The following CDH13 variants were observed in gnomAD, a reference collection of about 807,000 sequenced individuals.
The protein encoded by CDH13 is cadherin-13.
A neutral mutation model predicts 63.8 loss-of-function variants in CDH13; 24 were observed. The observed-to-expected ratio is 0.38, with a 90% CI of 0.27 to 0.53. The LOEUF is 0.53. Ranked by LOEUF, CDH13 falls within the 20% of genes least tolerant of loss-of-function variation. The pLI is 0.85. For synonymous variants in CDH13, 503 were observed against 355.3 expected (o/e 1.42, Z -4.67); for missense variants, 1,049 against 903.1 (o/e 1.16, Z -2.07).
chr16:83,228,946 A>C (rs550680215), intron 5 of CDH13, among the ~76,000 whole-genome samples: 1 of 152,280 alleles, frequency 6.6e-6, no homozygotes, highest in African/African-American at 2.4e-5. Flanking sequence ...CATCAGATAG[A>C]TGCAGTTTTC....
chr16:83,787,157 C>A (rs575417954), intron 13 of CDH13, among the ~76,000 whole-genome samples: 21 of 152,126 alleles, frequency 1.4e-4, no homozygotes, highest in Non-Finnish European at 2.8e-4. Flanking sequence ...TTGGGCATAC[C>A]ATTCTGCGAC....
At chr16:83,567,700 AT>A (rs1904296002) in intron 7 of CDH13, among the ~76,000 whole-genome samples, 1 of 152,136 alleles carries the variant, frequency 6.6e-6, no homozygotes, top group South Asian at 2.1e-4. Flanking sequence ...GGTTCACGCT[AT>A]TCTCCTGTCT....
intron 6 of CDH13, among the ~76,000 whole-genome samples, chr16:83,480,955 C>T (rs537040348): frequency 1.1e-4 from 17 of 152,322 alleles, no homozygotes; most frequent in African/African-American, 4.1e-4. Context: ...ACACAAGTAA[C>T]GTTGTGCACT....
At chr16:83,305,851 C>G (rs773110671) in intron 5 of CDH13, among the ~76,000 whole-genome samples, 1 of 152,138 alleles carries the variant, frequency 6.6e-6, no homozygotes, top group Non-Finnish European at 1.5e-5. Context: ...TTGTAGCTGT[C>G]GCAATTATTG....
chr16:83,143,063 C>T (rs1229533488), intron 4 of CDH13, among the ~76,000 whole-genome samples: 4 of 152,164 alleles, frequency 2.6e-5, no homozygotes, highest in Middle Eastern at 6.3e-3. Context: ...AAGATCGTGC[C>T]GTTGCGCTCC....
chr16:82,868,122 G>C (rs978147001), intron 2 of CDH13, among the ~76,000 whole-genome samples: 2 of 152,198 alleles, frequency 1.3e-5, no homozygotes, highest in Admixed American at 6.5e-5. Flanking sequence ...GGACAGAGCT[G>C]GACAAGGTTG....
intron 1 of CDH13, among the ~76,000 whole-genome samples, chr16:82,779,678 C>G (rs571417947): frequency 1.8e-3 from 272 of 152,300 alleles, no homozygotes; most frequent in Middle Eastern, 3.4e-3. Flanking sequence ...TATCTGGGCA[C>G]TCTATTCCAC....
chr16:83,673,406 A>G (rs1404647431), intron 9 of CDH13, among the ~76,000 whole-genome samples: 1 of 151,914 alleles, frequency 6.6e-6, no homozygotes, highest in Non-Finnish European at 1.5e-5. Flanking sequence ...CAGACCTATA[A>G]CACTTGGGGG....
intron 13 of CDH13, among the ~76,000 whole-genome samples, chr16:83,793,966 C>T (rs1403941827): frequency 2.6e-5 from 4 of 152,050 alleles, no homozygotes; most frequent in East Asian, 1.9e-4. Context: ...CATGTGATGA[C>T]AGAAACAGAG....
At chr16:83,757,703 C>T (rs185397939) in intron 11 of CDH13, among the ~76,000 whole-genome samples, 1 of 152,058 alleles carries the variant, frequency 6.6e-6, no homozygotes, top group East Asian at 1.9e-4. Flanking sequence ...ATTACCAACA[C>T]TGGGAATAAA....
intron 5 of CDH13, among the ~76,000 whole-genome samples, chr16:83,222,199 A>G (rs1380152187): frequency 6.6e-6 from 1 of 152,224 alleles, no homozygotes; most frequent in South Asian, 2.1e-4. Context: ...GTATTTGCTC[A>G]CATTTCATAC....
At chr16:82,846,174 C>G (rs928267828) in intron 1 of CDH13, among the ~76,000 whole-genome samples, 7 of 152,178 alleles carry the variant, frequency 4.6e-5, no homozygotes, top group Non-Finnish European at 7.3e-5. Flanking sequence ...TGCGTGGAGC[C>G]TTTGTTCTTA....
At chr16:83,659,140 C>T (rs1354805698) in intron 8 of CDH13, among the ~76,000 whole-genome samples, 1 of 149,888 alleles carries the variant, frequency 6.7e-6, no homozygotes, top group Non-Finnish European at 1.5e-5. Flanking sequence ...ATGTCCTCAC[C>T]AGCAAGGTCC....
At chr16:83,344,808 A>G in intron 5 of CDH13, 54 bp from the exon 6 acceptor site, 36 of 1,592,038 alleles carry the variant, frequency 2.3e-5, no homozygotes, top group Non-Finnish European at 2.9e-5. Flanking sequence ...CCTTATTTGA[A>G]TTTTCATAAT....
chr16:83,050,698 C>T (rs190057559), intron 3 of CDH13, among the ~76,000 whole-genome samples: 25 of 152,152 alleles, frequency 1.6e-4, no homozygotes, highest in Admixed American at 3.3e-4. Flanking sequence ...GTGTCTACAG[C>T]GCATCTCCAC....
At chr16:82,996,302 C>T (rs1912197108) in intron 2 of CDH13, among the ~76,000 whole-genome samples, 1 of 152,128 alleles carries the variant, frequency 6.6e-6, no homozygotes, top group South Asian at 2.1e-4. Context: ...CTCCCAGTGG[C>T]CTCTACCCCA....
intron 10 of CDH13, chr16:83,721,472 C>CT (rs1391318536): frequency 6.6e-6 from 1 of 152,216 alleles, no homozygotes; most frequent in Non-Finnish European, 1.5e-5. Flanking sequence ...GCCATTGGGT[C>CT]TGAGACCCCA....
At chr16:83,540,855 C>A (rs1252009006) in intron 7 of CDH13, among the ~76,000 whole-genome samples, 1 of 152,162 alleles carries the variant, frequency 6.6e-6, no homozygotes, top group Non-Finnish European at 1.5e-5. Flanking sequence ...GTCTTGATCT[C>A]CCAACCTCAA....
At chr16:83,291,102 G>A (rs1383577680) in intron 5 of CDH13, among the ~76,000 whole-genome samples, 2 of 152,078 alleles carry the variant, frequency 1.3e-5, no homozygotes, top group East Asian at 1.9e-4. Flanking sequence ...TGTTCAAAGC[G>A]GCAAGCTACC....
Sources: allele counts gnomAD v4.1 joint callset (sites outside exome capture counted in the v4.1 genomes callset), GRCh38; gene constraint gnomAD v4.1.1; transcripts MANE v1.5; gene names NCBI Gene and HGNC (gene_info 2026-07-23, HGNC 2026-07-21).